The following CDH8 variants were observed in gnomAD, a reference collection of about 807,000 sequenced individuals.
CDH8 encodes the protein cadherin 8, also known as cadherin-8.
CDH8 carries 17 observed loss-of-function variants against 68.1 expected under a neutral mutation model. The ratio of observed to expected loss-of-function variants is 0.25; its 90% CI spans 0.17 to 0.37. The LOEUF (loss-of-function observed/expected upper bound fraction) is 0.37, where lower values mean the gene tolerates loss of function less well. Ranked by LOEUF, CDH8 falls within the 10% of genes least tolerant of loss-of-function variation. The pLI is 1.00. For synonymous variants in CDH8, 372 were observed against 365.1 expected (o/e 1.02, Z -0.21); for missense variants, 763 against 999.3 (o/e 0.76, Z 3.19).
chr16:61,904,014 A>G (rs1964024758), intron 2 of CDH8, among the ~76,000 whole-genome samples: 1 of 152,158 alleles, frequency 6.6e-6, no homozygotes, highest in Non-Finnish European at 1.5e-5. Context: ...CTTTTAGCTT[A>G]TCCAAGTAAA....
chr16:61,768,359 TCTCTCTCTCC>T (rs1960670274), intron 8 of CDH8, among the ~76,000 whole-genome samples: 24 of 111,310 alleles, frequency 2.2e-4, no homozygotes, highest in African/African-American at 5.8e-4. Flanking sequence ...TCTCTCTCTC[TCTCTCTCTCC>T]CTTTCTCTCT....
intron 10 of CDH8, among the ~76,000 whole-genome samples, chr16:61,660,146 T>G (rs59453936): frequency 0.12 from 19,007 of 152,070 alleles, 1,222 homozygotes; most frequent in African/African-American, 0.15. Context: ...AGCCAGTCAT[T>G]AAACAAATAA....
At chr16:61,791,427 CAT>C (rs1961377811) in intron 7 of CDH8, among the ~76,000 whole-genome samples, 1 of 151,994 alleles carries the variant, frequency 6.6e-6, no homozygotes, top group Non-Finnish European at 1.5e-5. Flanking sequence ...ACTAAACAGA[CAT>C]GTGTTTTGCT....
intron 10 of CDH8, among the ~76,000 whole-genome samples, chr16:61,658,633 A>G (rs1385343737): frequency 6.6e-6 from 1 of 152,068 alleles, no homozygotes; most frequent in Non-Finnish European, 1.5e-5. Flanking sequence ...TTTCTTATGT[A>G]TGAAAACTTT....
At chr16:61,933,308 G>C (rs544861491) in intron 2 of CDH8, among the ~76,000 whole-genome samples, 6 of 152,302 alleles carry the variant, frequency 3.9e-5, no homozygotes, top group African/African-American at 1.2e-4. Context: ...AGGAGAGGCT[G>C]TATTTGCAGG....
At chr16:61,856,736 T>C (rs1434001324) in intron 4 of CDH8, among the ~76,000 whole-genome samples, 1 of 152,196 alleles carries the variant, frequency 6.6e-6, no homozygotes. Flanking sequence ...ATGTGGTACG[T>C]TCCATACCCA....
intron 4 of CDH8, among the ~76,000 whole-genome samples, chr16:61,827,178 A>G (rs1411775373): frequency 6.6e-6 from 1 of 151,860 alleles, no homozygotes; most frequent in Non-Finnish European, 1.5e-5. Flanking sequence ...ATGACCTAGA[A>G]TGTTTTCATT....
chr16:61,898,452 C>CA, intron 3 of CDH8, among the ~76,000 whole-genome samples: 1 of 152,200 alleles, frequency 6.6e-6, no homozygotes, highest in African/African-American at 2.4e-5. Context: ...ATGGGTGTAT[C>CA]TACCAAAGTC....
At chr16:61,922,289 C>T (rs942779206) in intron 2 of CDH8, among the ~76,000 whole-genome samples, 1 of 152,040 alleles carries the variant, frequency 6.6e-6, no homozygotes, top group Non-Finnish European at 1.5e-5. Context: ...TAAATATTTT[C>T]CATGCAAATT....
At chr16:61,803,292 G>A (rs964835708) in intron 7 of CDH8, among the ~76,000 whole-genome samples, 1 of 132,544 alleles carries the variant, frequency 7.5e-6, no homozygotes, top group Admixed American at 7.3e-5. Flanking sequence ...CACTAGGCCT[G>A]CCCTAAAAGA....
rs189463732 is a variant in CDH8 at position 61,701,870 on chromosome 16, A to G, written c.1654+11971T>C. On this transcript the variant is annotated intron_variant, in intron 10 of 11. Coordinates refer to ENST00000577390, the MANE Select transcript of CDH8 (RefSeq NM_001796.5). ...AGTATTTTTTATTCTAGATATTTCA[A>G]TGTTTTAACTAATTGACAGTCCTTC... 2.8e-4 allele frequency among the ~76,000 whole-genome samples: 42 copies of G among 152,318 alleles called. No individual in the cohort carries two copies. The East Asian group carries it at 7.1e-3, about 26-fold the overall frequency.
intron 2 of CDH8, among the ~76,000 whole-genome samples, chr16:61,923,097 C>A (rs570749838): frequency 6.6e-6 from 1 of 152,190 alleles, no homozygotes; most frequent in South Asian, 2.1e-4. Flanking sequence ...TGACCGGTAA[C>A]AAAATACATT....
chr16:61,825,233 A>C, intron 4 of CDH8, 54 bp from the exon 5 acceptor site: 1 of 1,449,542 alleles, frequency 6.9e-7, no homozygotes, highest in South Asian at 1.2e-5. Flanking sequence ...TTCAAAAATG[A>C]AAGTGTTAAT....
chr16:61,768,367 T>TCTCTCTCTCC (rs1567461178), intron 8 of CDH8, among the ~76,000 whole-genome samples: 16 of 80,634 alleles, frequency 2.0e-4, no homozygotes, highest in Non-Finnish European at 2.7e-4. Context: ...TCTCTCTCTC[T>TCTCTCTCTCC]CCCTTTCTCT....
At chr16:61,915,031 TGTGTTGACATGTTTACATATGAA>T (rs1964217254) in intron 2 of CDH8, among the ~76,000 whole-genome samples, 1 of 152,236 alleles carries the variant, frequency 6.6e-6, no homozygotes, top group Non-Finnish European at 1.5e-5. Flanking sequence ...GAATTGTTGA[TGTGTTGACATGTTTACATATGAA>T]GTAGCTAGTG....
intron 3 of CDH8, among the ~76,000 whole-genome samples, chr16:61,876,868 C>T (rs1442679214): frequency 6.6e-6 from 1 of 151,898 alleles, no homozygotes; most frequent in Non-Finnish European, 1.5e-5. Context: ...ATATGTGGGT[C>T]TTATAGTCAA....
intron 10 of CDH8, among the ~76,000 whole-genome samples, chr16:61,709,519 G>A (rs895909547): frequency 5.3e-5 from 8 of 152,136 alleles, no homozygotes; most frequent in African/African-American, 1.7e-4. Flanking sequence ...GAGATAGGCT[G>A]ATGGTAGTCA....
At chr16:61,682,955 A>C (rs1357112786) in intron 10 of CDH8, among the ~76,000 whole-genome samples, 1 of 152,026 alleles carries the variant, frequency 6.6e-6, no homozygotes, top group Admixed American at 6.6e-5. Context: ...ACTAAAATAT[A>C]TGGGTAAATG....
intron 2 of CDH8, among the ~76,000 whole-genome samples, chr16:61,938,881 T>C (rs1481170086): frequency 6.6e-6 from 1 of 152,210 alleles, no homozygotes; most frequent in Non-Finnish European, 1.5e-5. Context: ...AATGGGATGA[T>C]ACTAAATGAG....
Sources: allele counts gnomAD v4.1 joint callset (sites outside exome capture counted in the v4.1 genomes callset), GRCh38; gene constraint gnomAD v4.1.1; transcripts MANE v1.5; gene names NCBI Gene and HGNC (gene_info 2026-07-23, HGNC 2026-07-21).